The following FAM193A variants were observed in gnomAD, a reference collection of about 807,000 sequenced individuals.
FAM193A encodes protein FAM193A.
Under a neutral mutation model 126.5 loss-of-function variants are expected in FAM193A, and 22 were observed. That is an observed-to-expected ratio of 0.17 (90% CI 0.12 to 0.25). FAM193A has a LOEUF of 0.25. FAM193A is among the 10% of genes least tolerant of loss of function. FAM193A has a pLI of 1.00. For synonymous variants in FAM193A, 761 were observed against 646.8 expected (o/e 1.18, Z -2.68); for missense variants, 1,675 against 1,672.8 (o/e 1.00, Z -0.02).
chr4:2,580,679 T>C (rs909153379), intron 1 of FAM193A, among the ~76,000 whole-genome samples: 3 of 152,214 alleles, frequency 2.0e-5, no homozygotes, highest in African/African-American at 7.2e-5. Flanking sequence ...TATCTCTGGC[T>C]CCTCACTCTC....
rs1305280132 is a variant in FAM193A at position 2,596,327 on chromosome 4, G to A, written c.499G>A (p.Val167Met). ...EERHGGLDQP[V>M]SQDFLLHSSL... ...GAGGCATGGCGGCCTTGACCAGCCA[G>A]TGGTGAGTGGCTGCCAGCACAGGCA... The change falls in exon 2 of 21, where the codon GTG becomes ATG. Residue 167 changes from valine (V) to methionine (M), a missense_variant and splice_region_variant. Physicochemically the swap from Val to Met is conservative, Grantham distance 21 (BLOSUM62 1). Around this residue, in one of 4 missense-constraint regions of FAM193A, gnomAD observed 1,186 missense variants for 1,109.2 expected, o/e 1.07. Transcript: ENST00000637812. 3 of 701,308 alleles carry A rather than the reference G, an allele frequency of 4.3e-6. No individual in the cohort carries two copies. Among genetic ancestry groups the A allele is most frequent in the Non-Finnish European group, 7.8e-6 (3 of 384,224 alleles). The allele number at this position is 701,308 out of a possible 1,614,324, so 43.4% of individuals were successfully genotyped here.
chr4:2,595,019 G>C (rs2108905806), intron 1 of FAM193A, among the ~76,000 whole-genome samples: 1 of 150,322 alleles, frequency 6.7e-6, no homozygotes, highest in Non-Finnish European at 1.5e-5. Context: ...ATAGAAACAG[G>C]GTTTCACCAT....
intron 18 of FAM193A, among the ~76,000 whole-genome samples, chr4:2,699,299 G>A (rs571273350): frequency 4.6e-5 from 7 of 152,206 alleles, no homozygotes; most frequent in Admixed American, 2.6e-4. Flanking sequence ...TCATCCACTC[G>A]GCCAGGCGGC....
chr4:2,654,933 A>T (rs749740474), intron 7 of FAM193A: 2 of 476,982 alleles, frequency 4.2e-6, no homozygotes, highest in Non-Finnish European at 7.5e-6. Flanking sequence ...GCCGGCATTA[A>T]CTCTTGTAGT....
chr4:2,663,907 C>G (rs1425105023), intron 12 of FAM193A, among the ~76,000 whole-genome samples: 1 of 152,208 alleles, frequency 6.6e-6, no homozygotes, highest in African/African-American at 2.4e-5. Flanking sequence ...GCAGAGGTTG[C>G]AGTGAGCCAA....
At chr4:2,715,599 G>T in intron 19 of FAM193A, 1 of 818,210 alleles carries the variant, frequency 1.2e-6, no homozygotes, top group Non-Finnish European at 1.5e-6. Context: ...ACATGGGCCT[G>T]TCCCCTGGGC....
intron 1 of FAM193A, among the ~76,000 whole-genome samples, chr4:2,593,036 C>G (rs1490756927): frequency 1.3e-5 from 2 of 152,148 alleles, no homozygotes; most frequent in East Asian, 1.9e-4. Flanking sequence ...ACAGAGCCTA[C>G]AAGCCCTGAA....
intron 4 of FAM193A, among the ~76,000 whole-genome samples, chr4:2,630,343 T>G (rs1743436706): frequency 6.7e-6 from 1 of 149,978 alleles, no homozygotes; most frequent in Non-Finnish European, 1.5e-5. Context: ...AAAAAAAAGA[T>G]AAACTGTGTC....
chr4:2,718,963 C>T (rs962409658), intron 20 of FAM193A, among the ~76,000 whole-genome samples: 1 of 151,960 alleles, frequency 6.6e-6, no homozygotes, highest in Non-Finnish European at 1.5e-5. Flanking sequence ...ACAGTTTTAC[C>T]GAGAATTCTA....
At chr4:2,619,480 A>T (rs1560486436) in intron 2 of FAM193A, among the ~76,000 whole-genome samples, 1 of 151,272 alleles carries the variant, frequency 6.6e-6, no homozygotes, top group Non-Finnish European at 1.5e-5. Flanking sequence ...GTATTTTTGT[A>T]TTTTTAGTAG....
intron 1 of FAM193A, among the ~76,000 whole-genome samples, chr4:2,571,877 G>T (rs1376369115): frequency 6.7e-6 from 1 of 150,022 alleles, no homozygotes; most frequent in African/African-American, 2.4e-5. Flanking sequence ...TCTAAATCTT[G>T]GTCAAAGGCC....
At chr4:2,638,292 G>A (rs553373057) in intron 5 of FAM193A, among the ~76,000 whole-genome samples, 8 of 152,358 alleles carry the variant, frequency 5.3e-5, no homozygotes, top group East Asian at 1.9e-4. Context: ...GGTAGTCTTC[G>A]TGTCCTCGTA....
At chr4:2,665,780 G>C (rs1713043174) in intron 12 of FAM193A, among the ~76,000 whole-genome samples, 1 of 152,172 alleles carries the variant, frequency 6.6e-6, no homozygotes, top group South Asian at 2.1e-4. Flanking sequence ...TCCCATTTCA[G>C]CCTCCCAAAG....
chr4:2,661,644 G>C (rs1325820597), intron 10 of FAM193A, among the ~76,000 whole-genome samples: 1 of 152,258 alleles, frequency 6.6e-6, no homozygotes, highest in East Asian at 1.9e-4. Flanking sequence ...GTAATGTGTT[G>C]AAAAGACACC....
intron 2 of FAM193A, among the ~76,000 whole-genome samples, chr4:2,600,665 T>C (rs1429212043): frequency 3.3e-5 from 5 of 152,180 alleles, no homozygotes; most frequent in Admixed American, 2.0e-4. Flanking sequence ...CCCCCATAGC[T>C]GAGGGCATTT....
intron 16 of FAM193A, among the ~76,000 whole-genome samples, chr4:2,694,488 C>T (rs1028665307): frequency 3.9e-5 from 6 of 152,040 alleles, no homozygotes; most frequent in African/African-American, 1.2e-4. Context: ...AGGCTGATCT[C>T]GAACTCCTGA....
At chr4:2,673,325 T>C (rs1577180573) in intron 13 of FAM193A, among the ~76,000 whole-genome samples, 1 of 152,208 alleles carries the variant, frequency 6.6e-6, no homozygotes, top group South Asian at 2.1e-4. Flanking sequence ...CCACAGTTTT[T>C]CCAAACACAT....
intron 2 of FAM193A, among the ~76,000 whole-genome samples, chr4:2,613,359 C>G (rs1019557442): frequency 6.9e-6 from 1 of 145,710 alleles, no homozygotes; most frequent in African/African-American, 2.5e-5. Context: ...TTGTTTATTG[C>G]TAGTACATAG....
intron 1 of FAM193A, among the ~76,000 whole-genome samples, chr4:2,544,672 C>T (rs1737441548): frequency 6.6e-6 from 1 of 151,942 alleles, no homozygotes; most frequent in African/African-American, 2.4e-5. Context: ...CCACTGCACT[C>T]CAGACTGGGT....
Sources: allele counts gnomAD v4.1 joint callset (sites outside exome capture counted in the v4.1 genomes callset), GRCh38; gene constraint gnomAD v4.1.1; regional missense constraint gnomAD v4.1.1; transcripts MANE v1.5; gene names NCBI Gene and HGNC (gene_info 2026-07-23, HGNC 2026-07-21).